Variants in CPA4 observed in about 807,000 individuals in gnomAD.
CPA4 encodes the protein carboxypeptidase A3.
In CPA4, 49 loss-of-function variants were observed where a neutral mutation model predicts 54.7. The ratio of observed to expected loss-of-function variants is 0.90; its 90% CI spans 0.71 to 1.14. The LOEUF (loss-of-function observed/expected upper bound fraction) is 1.14. CPA4 is among the 50% of genes most tolerant of loss of function. CPA4 has a pLI of 0.00. For missense variants in CPA4, 487 were observed against 525.1 expected (o/e 0.93, Z 0.71); for synonymous variants, 215 against 206.8 (o/e 1.04, Z -0.34).
At position 130,304,504 on chromosome 7, in the gene CPA4, C is replaced by T. The variant is rs371009484; in HGVS notation, c.411C>T (p.Ala137=). 12 of 1,611,640 alleles carry T rather than the reference C, an allele frequency of 7.4e-6. No individual in the cohort carries two copies. The highest frequency in any genetic ancestry group is 1.6e-4 in the Middle Eastern group (1 of 6,084). ...EAIYHEMDNI[A]ADFPDLARRV... ...TTTACCACGAGATGGACAACATTGCCGCAGACTTTCCTGACCTGGCGAGGA... is the reference window on the plus strand; with the variant it reads ...TTTACCACGAGATGGACAACATTGCTGCAGACTTTCCTGACCTGGCGAGGA... Residue 137 remains alanine, a synonymous_variant, in exon 5 of 11, where the codon GCC becomes GCT. Coordinates refer to ENST00000222482, the MANE Select transcript of CPA4 (RefSeq NM_016352.4).
chr7:130,299,628 C>T (rs1028804228), intron 3 of CPA4: 2 of 515,558 alleles, frequency 3.9e-6, no homozygotes, highest in African/African-American at 3.8e-5. Flanking sequence ...GGATCCAAAT[C>T]CTGATTTTGC....
chr7:130,308,485 GT>G, intron 8 of CPA4, 88 bp downstream of exon 8: 2 of 1,058,208 alleles, frequency 1.9e-6, no homozygotes, highest in Non-Finnish European at 2.9e-6. Context: ...GACGGAGCGC[GT>G]TTCCACTTTG....
At chr7:130,308,164 G>A in intron 7 of CPA4, 143 bp from the exon 8 acceptor site, 1 of 693,792 alleles carries the variant, frequency 1.4e-6, no homozygotes, top group Non-Finnish European at 2.6e-6. Context: ...AGAGACAACT[G>A]CTCAATGAGG....
chr7:130,298,875 G>A lies in CPA4; in HGVS notation c.150+48G>A, dbSNP rs925594373. ...CCTGAGTGTTTTCTAACTTTGCTGG[G>A]AGAAGACTCTTGCTCTACTGGCATT... On this transcript the variant is annotated intron_variant, in intron 2 of 10. Transcript: ENST00000222482. 4 of 1,087,778 alleles carry A rather than the reference G, an allele frequency of 3.7e-6. No homozygotes were observed. The African/African-American group carries it at 6.2e-5, about 17-fold the overall frequency. The allele number at this position is 1,087,778 out of a possible 1,614,324, so 67.4% of individuals were successfully genotyped here.
chr7:130,293,190 A>T lies in CPA4; in HGVS notation c.10A>T (p.Ile4Leu), dbSNP rs1562926555. The change falls in exon 1 of 11, where the codon ATA (isoleucine) becomes TTA (leucine). Residue 4 changes from isoleucine (I) to leucine (L), a missense_variant. By Grantham distance (5) the Ile-to-Leu change is conservative. Coordinates refer to ENST00000222482, the MANE Select transcript of CPA4 (RefSeq NM_016352.4). ...CTGACTCCCCGGGGACATGAGGTGG[A>T]TACTGTTCATTGGGGCCCTTATTGG... is the stretch of plus-strand genomic sequence containing the variant. MRW[I>L]LFIGALIGSS... is the part of the protein sequence containing the mutation. 1.2e-6 allele frequency: 2 copies of T among 1,610,510 alleles called. No individual in the cohort carries two copies. Among genetic ancestry groups the T allele is most frequent in the African/African-American group, 1.3e-5 (1 of 74,958 alleles).
chr7:130,313,137 G>A (rs752294528), intron 10 of CPA4, among the ~76,000 whole-genome samples: 1 of 152,278 alleles, frequency 6.6e-6, no homozygotes, highest in South Asian at 2.1e-4. Context: ...GGCACGGAGA[G>A]TTTTTGATCT....
At position 130,323,085 on chromosome 7, in the gene CPA4, C is replaced by T. The variant is rs1794145631; in HGVS notation, c.*409C>T. 6.1e-6 allele frequency: 1 copy of T among 163,346 alleles called. No homozygotes were observed. 10.1% of individuals were successfully genotyped at this position (163,346 alleles called of 1,614,324 possible). On this transcript the variant is annotated 3_prime_UTR_variant, in exon 11 of 11. Coordinates refer to ENST00000222482, the MANE Select transcript of CPA4 (RefSeq NM_016352.4). ...CTTGCTCTGGTGGCACTGTGGGAGA[C>T]ACCACTTGTCTTTAGGTGGGTCTCA...
intron 10 of CPA4, among the ~76,000 whole-genome samples, chr7:130,316,784 T>C (rs946488982): frequency 2.6e-5 from 4 of 151,886 alleles, no homozygotes; most frequent in Non-Finnish European, 4.4e-5. Flanking sequence ...CTAAAATACT[T>C]TAGCTGGGCA....
At position 130,299,154 on chromosome 7, in the gene CPA4, C is replaced by A. The variant is rs111645519; in HGVS notation, c.151-116C>A. ...GAAATGGGCAAACTTTGCCCTTGGGCAGAGCCTAGCCTCTCAGGGATCACC... is the reference window on the plus strand; with the variant it reads ...GAAATGGGCAAACTTTGCCCTTGGGAAGAGCCTAGCCTCTCAGGGATCACC... On this transcript the variant is annotated intron_variant, in intron 2 of 10. Transcript: ENST00000222482. The A allele has an allele frequency of 2.2e-3, 2,507 of 1,132,110 alleles. 48 individuals are homozygous for A. The African/African-American group carries it at 0.034, about 15-fold the overall frequency. 70.1% of individuals were successfully genotyped at this position (1,132,110 alleles called of 1,614,324 possible). A position where few individuals can be genotyped will look rare whatever the true frequency, so the allele number is the denominator to read the frequency against.
intron 4 of CPA4, among the ~76,000 whole-genome samples, chr7:130,303,692 A>G (rs1793773527): frequency 6.6e-6 from 1 of 151,542 alleles, no homozygotes; most frequent in Admixed American, 6.6e-5. Context: ...GCAGTGGTGC[A>G]TTCGTGGCTC....
chr7:130,299,993 G>A (rs963320279), intron 3 of CPA4, among the ~76,000 whole-genome samples: 1 of 152,200 alleles, frequency 6.6e-6, no homozygotes, highest in East Asian at 1.9e-4. Flanking sequence ...CTGAACATCA[G>A]GACAGGGTCT....
intron 6 of CPA4, among the ~76,000 whole-genome samples, chr7:130,306,571 GT>G (rs1793824181): frequency 6.6e-6 from 1 of 152,176 alleles, no homozygotes; most frequent in South Asian, 2.1e-4. Context: ...TAGCAGCCAT[GT>G]CCCCAAGCAG....
In CPA4 at chr7:130,310,879, CA is replaced by C. The variant is rs755208608; in HGVS notation, c.891del (p.Lys297AsnfsTer18). The C allele has an allele frequency of 6.2e-7, 1 of 1,613,978 alleles. No individual in the cohort carries two copies. On this transcript the variant is annotated frameshift_variant, in exon 9 of 11. Coordinates refer to ENST00000222482, the MANE Select transcript of CPA4 (RefSeq NM_016352.4). LOFTEE classifies it high-confidence loss of function. This position sits in a 1 kb window ranked among gnomAD's most constrained non-coding sequence, Gnocchi z 4.3. Reference protein sequence around the residue: ...VEVKSVVDFIQKHGNFKGFID... With the variant: ...VEVKSVVDFIXKHGNFKGFID... ...GGTGAAATCAGTGGTAGATTTCATC[CA>C]AAAACATGGGAATTTCAAGGGCTTC...
chr7:130,312,555 G>A (rs982829981), intron 10 of CPA4, among the ~76,000 whole-genome samples: 2 of 152,166 alleles, frequency 1.3e-5, no homozygotes, highest in African/African-American at 4.8e-5. Context: ...AATCATGGGG[G>A]CAGGTCTTTC....
At chr7:130,305,460 C>T (rs138672940) in intron 5 of CPA4, among the ~76,000 whole-genome samples, 2 of 152,294 alleles carry the variant, frequency 1.3e-5, no homozygotes, top group African/African-American at 4.8e-5. Context: ...CCGAAACAGC[C>T]TGGTTTGTGT....
rs140687567 is a variant in CPA4 at position 130,321,688 on chromosome 7, G to A, written c.1079-801G>A. ...AAAGGCATGTCTTACATGGTAGCAG[G>A]GCAAAGAGCAAATGAGAACTAAGCA... On this transcript the variant is annotated intron_variant, in intron 10 of 10. Coordinates refer to ENST00000222482, the MANE Select transcript of CPA4 (RefSeq NM_016352.4). Among the ~76,000 whole-genome samples, 14 of 152,212 alleles carry A rather than the reference G, an allele frequency of 9.2e-5. No homozygotes were observed. In the East Asian group the frequency reaches 2.1e-3, roughly 23 times the overall value.
intron 4 of CPA4, among the ~76,000 whole-genome samples, chr7:130,303,783 C>G (rs570580156): frequency 7.0e-6 from 1 of 142,658 alleles, no homozygotes; most frequent in East Asian, 2.0e-4. Flanking sequence ...TACACGCCAC[C>G]GCAGCTGCCT....
rs780244234 is a variant in CPA4, at chr7:130,308,403, C to T, written c.793+6C>T. 4.1e-5 allele frequency: 66 copies of T among 1,610,674 alleles called. No individual in the cohort carries two copies. Among genetic ancestry groups the T allele is most frequent in the South Asian group, 1.5e-4 (14 of 91,018 alleles). Reference sequence around the variant, plus strand: ...CTGGAACGCTAGTTTTGCAGGTAGGCGGTGGGGAGACAGTTCTCAAATCCT... The same window carrying T: ...CTGGAACGCTAGTTTTGCAGGTAGGTGGTGGGGAGACAGTTCTCAAATCCT... On this transcript the variant is annotated splice_donor_region_variant and intron_variant, in intron 8 of 10. Transcript: ENST00000222482.
chr7:130,300,417 C>T (rs1251667402), intron 3 of CPA4, among the ~76,000 whole-genome samples: 1 of 149,932 alleles, frequency 6.7e-6, no homozygotes, highest in Non-Finnish European at 1.5e-5. Flanking sequence ...CTCACTGCAA[C>T]CTCTGACTCC....
Sources: gnomAD v4.1 joint callset for allele counts (sites outside exome capture counted in the v4.1 genomes callset) on GRCh38, gnomAD v4.1.1 for gene constraint, Gnocchi (gnomAD v3.1) non-coding constraint, MANE v1.5 for transcripts, NCBI Gene and HGNC (gene_info 2026-07-23, HGNC 2026-07-21) for gene names.